LRMDA: variants seen among roughly 807,000 people sequenced by gnomAD.
LRMDA encodes leucine-rich melanocyte differentiation-associated protein.
Under a neutral mutation model 29.8 loss-of-function variants are expected in LRMDA, and 18 were observed. That is an observed-to-expected ratio of 0.60 (90% CI 0.42 to 0.90). LRMDA has a LOEUF of 0.90. Ranked by LOEUF, LRMDA falls within the 40% of genes least tolerant of loss-of-function variation. The pLI is 0.00. For missense variants in LRMDA, 273 were observed against 273.9 expected (o/e 1.00, Z 0.02); for synonymous variants, 125 against 109.4 (o/e 1.14, Z -0.89).
intron 2 of LRMDA, among the ~76,000 whole-genome samples, chr10:75,745,879 C>A (rs1288378950): frequency 6.6e-6 from 1 of 152,206 alleles, no homozygotes; most frequent in African/African-American, 2.4e-5. Context: ...GAATGTGCCT[C>A]AACGTGGGTT....
intron 2 of LRMDA, among the ~76,000 whole-genome samples, chr10:75,678,780 G>A (rs1427611497): frequency 1.3e-5 from 2 of 152,160 alleles, no homozygotes; most frequent in Non-Finnish European, 2.9e-5. Context: ...GCTTTTTGTA[G>A]TATTGGAAGA....
chr10:75,453,291 T>A (rs1332634602), intron 2 of LRMDA, among the ~76,000 whole-genome samples: 6 of 152,360 alleles, frequency 3.9e-5, no homozygotes, highest in African/African-American at 1.2e-4. Flanking sequence ...GCCTGGAGTC[T>A]CTACCTAGCT....
intron 2 of LRMDA, among the ~76,000 whole-genome samples, chr10:75,457,178 G>A (rs527552767): frequency 6.6e-6 from 1 of 152,166 alleles, no homozygotes; most frequent in Non-Finnish European, 1.5e-5. Flanking sequence ...GCTGGTCAGT[G>A]GGGGGACCAA....
intron 2 of LRMDA, among the ~76,000 whole-genome samples, chr10:75,441,890 G>A (rs1844330482): frequency 6.6e-6 from 1 of 152,062 alleles, no homozygotes; most frequent in Non-Finnish European, 1.5e-5. Flanking sequence ...GTGTTTTAGG[G>A]CAAAGTTTAC....
At chr10:75,496,520 A>G (rs1007128985) in intron 2 of LRMDA, among the ~76,000 whole-genome samples, 1 of 152,180 alleles carries the variant, frequency 6.6e-6, no homozygotes, top group African/African-American at 2.4e-5. Flanking sequence ...CTATATCTTA[A>G]TTTTGTTTTA....
intron 5 of LRMDA, among the ~76,000 whole-genome samples, chr10:76,168,585 G>C (rs772541560): frequency 6.6e-5 from 10 of 152,050 alleles, no homozygotes; most frequent in Non-Finnish European, 1.2e-4. Context: ...TGAGTTTAAA[G>C]TTTAGGTAGT....
intron 2 of LRMDA, among the ~76,000 whole-genome samples, chr10:76,007,956 C>T (rs1011142031): frequency 2.6e-5 from 4 of 152,154 alleles, no homozygotes; most frequent in Admixed American, 6.6e-5. Context: ...ATGACTTCAT[C>T]GTCAGAGATG....
At chr10:76,271,818 C>G (rs1564706791) in intron 5 of LRMDA, among the ~76,000 whole-genome samples, 1 of 152,206 alleles carries the variant, frequency 6.6e-6, no homozygotes, top group African/African-American at 2.4e-5. Context: ...TTCCAAAAAT[C>G]TGAATTACTT....
intron 2 of LRMDA, among the ~76,000 whole-genome samples, chr10:75,826,461 G>A (rs2132286474): frequency 6.6e-6 from 1 of 152,240 alleles, no homozygotes; most frequent in East Asian, 1.9e-4. Context: ...ATTTGCAAAT[G>A]GTCTAGGTCA....
chr10:75,647,147 C>T (rs1420033714), intron 2 of LRMDA, among the ~76,000 whole-genome samples: 1 of 152,206 alleles, frequency 6.6e-6, no homozygotes, highest in African/African-American at 2.4e-5. Context: ...TGCTTGCCTC[C>T]TCTCCTACCC....
At chr10:75,533,282 C>G (rs778695229) in intron 2 of LRMDA, among the ~76,000 whole-genome samples, 1 of 152,120 alleles carries the variant, frequency 6.6e-6, no homozygotes, top group African/African-American at 2.4e-5. Flanking sequence ...TTTGTTTACC[C>G]TTAAAATGGA....
At position 76,424,371 on chromosome 10, in the gene LRMDA, TACAAAAAAA is replaced by T. The variant is rs1341897826; in HGVS notation, c.601+99896_601+99904del. Among the ~76,000 whole-genome samples, 3 of 151,752 alleles carry T rather than the reference TACAAAAAAA, an allele frequency of 2.0e-5. No homozygotes were observed. The East Asian group carries it at 5.8e-4, about 29-fold the overall frequency. On this transcript the variant is annotated intron_variant, in intron 6 of 6. Coordinates refer to ENST00000611255, the MANE Select transcript of LRMDA (RefSeq NM_001305581.2). ...GGTGAAACCCTGTCTCTACTAAAAA[TACAAAAAAA>T]ACAAAAAAATTAGTCAGGCGTGGTG...
At chr10:75,999,965 A>G (rs1039864838) in intron 2 of LRMDA, among the ~76,000 whole-genome samples, 14 of 152,164 alleles carry the variant, frequency 9.2e-5, no homozygotes, top group African/African-American at 2.4e-4. Flanking sequence ...TCTTTAAACC[A>G]TTCCTGACAC....
intron 5 of LRMDA, among the ~76,000 whole-genome samples, chr10:76,188,908 C>T (rs1434855482): frequency 6.7e-6 from 1 of 150,318 alleles, no homozygotes; most frequent in Non-Finnish European, 1.5e-5. Context: ...TTTTTTTTCA[C>T]AATGCCTCTA....
intron 6 of LRMDA, among the ~76,000 whole-genome samples, chr10:76,519,555 G>T (rs1843098108): frequency 6.6e-6 from 1 of 152,144 alleles, no homozygotes; most frequent in Non-Finnish European, 1.5e-5. Context: ...GAAAGATTTT[G>T]TTTTGGTTTG....
intron 2 of LRMDA, among the ~76,000 whole-genome samples, chr10:75,943,321 T>A (rs1846426381): frequency 6.6e-6 from 1 of 152,134 alleles, no homozygotes; most frequent in African/African-American, 2.4e-5. Context: ...AACAACTTAG[T>A]CATCCCAACA....
Position 75,700,354 on chromosome 10 carries a change from T to C in LRMDA, c.131+261860T>C, listed in dbSNP as rs545780373. ...CTAATGAAAAAAATATAAAGCAGTATATATATTATTTGGTGAGTGCAAAGA... is the reference window on the plus strand; with the variant it reads ...CTAATGAAAAAAATATAAAGCAGTACATATATTATTTGGTGAGTGCAAAGA... On this transcript the variant is annotated intron_variant, in intron 2 of 6. Coordinates refer to ENST00000611255, the MANE Select transcript of LRMDA (RefSeq NM_001305581.2). 6.2e-4 allele frequency among the ~76,000 whole-genome samples: 94 copies of C among 151,728 alleles called. No individual in the cohort carries two copies. The South Asian group carries it at 0.019, about 31-fold the overall frequency.
chr10:76,544,902 A>T (rs2579742), intron 6 of LRMDA, among the ~76,000 whole-genome samples: 51,953 of 152,016 alleles, frequency 0.34, 9,980 homozygotes, highest in Middle Eastern at 0.51. Context: ...TTGTAAAGCA[A>T]ACTTCTTTCG....
At chr10:76,499,594 T>C (rs138761069) in intron 6 of LRMDA, among the ~76,000 whole-genome samples, 4,485 of 75,078 alleles carry the variant, frequency 0.06, 1,884 homozygotes, top group Admixed American at 0.27. Context: ...GTAAAATTAT[T>C]TCTTATACAC....
Sources: allele counts gnomAD v4.1 joint callset (sites outside exome capture counted in the v4.1 genomes callset), GRCh38; gene constraint gnomAD v4.1.1; transcripts MANE v1.5; gene names NCBI Gene and HGNC (gene_info 2026-07-23, HGNC 2026-07-21).